Variants in NPHP1 observed in about 807,000 individuals in gnomAD.
NPHP1 encodes the protein nephrocystin-1.
Under a neutral mutation model 90.4 loss-of-function variants are expected in NPHP1, and 70 were observed. That is an observed-to-expected ratio of 0.77 (90% CI 0.64 to 0.95). NPHP1 has a LOEUF of 0.95. Among genes scored for constraint, NPHP1 ranks in the 40% least tolerant of loss-of-function variants. NPHP1 has a pLI of 0.00. For missense variants in NPHP1, 764 were observed against 795.9 expected (o/e 0.96, Z 0.48); for synonymous variants, 256 against 271.7 (o/e 0.94, Z 0.57).
At chr2:110,158,718 T>C (rs148657444) in intron 11 of NPHP1, among the ~76,000 whole-genome samples, 3 of 152,150 alleles carry the variant, frequency 2.0e-5, no homozygotes, top group African/African-American at 7.2e-5. Context: ...GATGACTTCT[T>C]ACATGTTGAC....
chr2:110,194,999 G>C (rs1685052605), intron 2 of NPHP1, among the ~76,000 whole-genome samples: 2 of 152,080 alleles, frequency 1.3e-5, no homozygotes, highest in South Asian at 2.1e-4. Flanking sequence ...GTATTGATGG[G>C]ACGTATCTCA....
chr2:110,131,121 G>T (rs1172613196), intron 17 of NPHP1, among the ~76,000 whole-genome samples: 1 of 152,080 alleles, frequency 6.6e-6, no homozygotes, highest in African/African-American at 2.4e-5. Flanking sequence ...ATTTATCTTT[G>T]CAGGTTCAAT....
intron 8 of NPHP1, chr2:110,164,040 CTT>C (rs942098740): frequency 2.7e-5 from 4 of 148,152 alleles, no homozygotes; most frequent in South Asian, 2.1e-4. Context: ...TAATTAATTA[CTT>C]TTTTTTTTTT....
Position 110,160,108 on chromosome 2 carries a change from T to C in NPHP1, c.1083+19A>G. ...TCCATAATCCTAGTATGAATTGATT[T>C]ACTTCTCAGTAACCTTACCTTATTA... On this transcript the variant is annotated intron_variant, in intron 11 of 19. Coordinates refer to ENST00000445609, the MANE Select transcript of NPHP1 (RefSeq NM_001128178.3). The C allele has an allele frequency of 6.2e-7, 1 of 1,610,848 alleles. No individual in the cohort carries two copies. The highest frequency in any genetic ancestry group is 8.5e-7 in the Non-Finnish European group (1 of 1,177,204).
intron 8 of NPHP1, chr2:110,164,057 C>T (rs1051751965): frequency 2.6e-5 from 4 of 153,190 alleles, no homozygotes; most frequent in African/African-American, 9.8e-5. Flanking sequence ...TTTTTTAAGA[C>T]AGGGTCTTGC....
rs138949864 is a variant in NPHP1 at position 110,193,265 on chromosome 2, T to C, written c.143+8156A>G. 9.5e-3 allele frequency among the ~76,000 whole-genome samples: 1,450 copies of C among 152,250 alleles called. 15 individuals are homozygous for C. The highest frequency in any genetic ancestry group is 0.012 in the Admixed American group (191 of 15,302). The stretch of plus-strand genomic sequence containing the variant: ...GTGTGTTGTATTCAGGAAACCCATC[T>C]CATGTACAGAGACACACATAGGCTC... On this transcript the variant is annotated intron_variant, in intron 2 of 19. Transcript: ENST00000445609.
In NPHP1 at chr2:110,129,226, G is replaced by A. The variant is rs1254608237; in HGVS notation, c.1676C>T (p.Pro559Leu). 16 of 1,613,604 alleles carry A rather than the reference G, an allele frequency of 9.9e-6. No homozygotes were observed. The highest frequency in any genetic ancestry group is 1.4e-5 in the Non-Finnish European group (16 of 1,179,758). Reference sequence around the variant, plus strand: ...CACATCAGGCTGCTCCAAGAGCATGGGGAAGGTGGCCAGCATGGGATGGCT... The same window carrying A: ...CACATCAGGCTGCTCCAAGAGCATGAGGAAGGTGGCCAGCATGGGATGGCT... ...LISHPMLATFPMLLEQPDVMD... is the reference protein window; with the variant it reads ...LISHPMLATFLMLLEQPDVMD... Residue 559 changes from proline to leucine, a missense_variant, in exon 18 of 20, where the codon CCC becomes CTC. Pro to Leu is a moderately conservative substitution (Grantham distance 98). Transcript: ENST00000445609.
intron 2 of NPHP1, chr2:110,184,826 A>G (rs776360342): frequency 2.8e-6 from 2 of 708,176 alleles, no homozygotes; most frequent in Non-Finnish European, 5.3e-6. Context: ...CACCATTGAG[A>G]TTGGTCCTTC....
At chr2:110,152,279 C>A (rs1158061816) in intron 11 of NPHP1, among the ~76,000 whole-genome samples, 2 of 150,684 alleles carry the variant, frequency 1.3e-5, no homozygotes, top group African/African-American at 5.0e-5. Context: ...CATAGTGAAA[C>A]CTTGGCTCTA....
chr2:110,154,491 T>C (rs962228443), intron 11 of NPHP1, among the ~76,000 whole-genome samples: 2 of 152,014 alleles, frequency 1.3e-5, no homozygotes, highest in Admixed American at 6.6e-5. Context: ...CAGAAGAAGA[T>C]AGGAAAATGT....
rs188620783 is a variant in NPHP1, at chr2:110,192,234, G to A, written c.143+9187C>T. Among the ~76,000 whole-genome samples the A allele has an allele frequency of 4.6e-5, 7 of 152,208 alleles. No individual in the cohort carries two copies. In the East Asian group the frequency reaches 5.8e-4, roughly 13 times the overall value. ...GAGCTAAAGGAGGAAGTTCGAACCC[G>A]TGGAAAACAAGTTAAAAACCTTGAA... On this transcript the variant is annotated intron_variant, in intron 2 of 19. Transcript: ENST00000445609.
intron 8 of NPHP1, 127 bp from the exon 9 acceptor site, chr2:110,163,262 T>C (rs1233077274): frequency 8.2e-6 from 6 of 730,746 alleles, no homozygotes; most frequent in African/African-American, 7.0e-5. Flanking sequence ...AGTGGAAGAA[T>C]AATACGATTT....
chr2:110,125,703 T>C, intron 18 of NPHP1, 22 bp from the exon 19 acceptor site: 1 of 1,607,556 alleles, frequency 6.2e-7, no homozygotes. Flanking sequence ...ACAGAAATAT[T>C]ATGTTAGTCC....
At chr2:110,200,380 G>C (rs928767375) in intron 2 of NPHP1, among the ~76,000 whole-genome samples, 1 of 152,022 alleles carries the variant, frequency 6.6e-6, no homozygotes, top group Admixed American at 6.6e-5. Flanking sequence ...CCTGGCCAAC[G>C]TGATGAAACC....
At chr2:110,203,188 A>G (rs1024156827) in intron 1 of NPHP1, among the ~76,000 whole-genome samples, 2 of 151,840 alleles carry the variant, frequency 1.3e-5, no homozygotes, top group African/African-American at 4.8e-5. Flanking sequence ...ACCAAATACC[A>G]TATGTTCTCA....
intron 16 of NPHP1, among the ~76,000 whole-genome samples, chr2:110,141,037 G>A (rs1317296584): frequency 6.6e-6 from 1 of 152,104 alleles, no homozygotes; most frequent in Non-Finnish European, 1.5e-5. Context: ...GTCATGGTGG[G>A]ACAGTTCAGC....
At chr2:110,171,577 T>C (rs1683130758) in intron 4 of NPHP1, among the ~76,000 whole-genome samples, 1 of 152,158 alleles carries the variant, frequency 6.6e-6, no homozygotes, top group Admixed American at 6.5e-5. Context: ...CCATAAAATG[T>C]CATATTGATT....
chr2:110,125,404 T>C, intron 19 of NPHP1: 1 of 1,344,854 alleles, frequency 7.4e-7, no homozygotes, highest in Non-Finnish European at 1.0e-6. Flanking sequence ...TTTATTTAAA[T>C]AAAACTCAGT....
chr2:110,144,203 T>C (rs1394683732), intron 15 of NPHP1: 1 of 420,766 alleles, frequency 2.4e-6, no homozygotes, highest in Non-Finnish European at 4.3e-6. Context: ...GACCCAGCAA[T>C]AGGCAGTCTC....
Sources: allele counts gnomAD v4.1 joint callset (sites outside exome capture counted in the v4.1 genomes callset), GRCh38; gene constraint gnomAD v4.1.1; transcripts MANE v1.5; gene names NCBI Gene and HGNC (gene_info 2026-07-23, HGNC 2026-07-21).